Variants in DLG2 observed in about 807,000 individuals in gnomAD.
The protein encoded by DLG2 is disks large homolog 2.
In DLG2, 45 loss-of-function variants were observed where a neutral mutation model predicts 132.5. The observed-to-expected ratio is 0.34, with a 90% CI of 0.27 to 0.44. DLG2 has a LOEUF of 0.44. Among genes scored for constraint, DLG2 ranks in the 20% least tolerant of loss-of-function variants. DLG2 has a pLI of 1.00. For synonymous variants in DLG2, 424 were observed against 419.6 expected (o/e 1.01, Z -0.13); for missense variants, 1,045 against 1,196.9 (o/e 0.87, Z 1.87).
intron 5 of DLG2, among the ~76,000 whole-genome samples, chr11:85,151,942 T>C (rs1010285934): frequency 2.6e-5 from 4 of 152,150 alleles, no homozygotes; most frequent in African/African-American, 9.7e-5. Context: ...ACAAAGGGAT[T>C]CTCATTCTGC....
At chr11:85,192,365 G>A (rs887709672) in intron 4 of DLG2, among the ~76,000 whole-genome samples, 2 of 152,110 alleles carry the variant, frequency 1.3e-5, no homozygotes, top group African/African-American at 4.8e-5. Context: ...ATTCATCCAA[G>A]GAATTCTGAT....
chr11:83,930,018 T>G (rs978091103), intron 15 of DLG2, among the ~76,000 whole-genome samples: 1 of 152,206 alleles, frequency 6.6e-6, no homozygotes. Flanking sequence ...AGTGAAATGG[T>G]GTTAAGTTCC....
intron 6 of DLG2, among the ~76,000 whole-genome samples, chr11:84,988,534 C>T (rs892195413): frequency 2.0e-5 from 3 of 152,156 alleles, no homozygotes; most frequent in African/African-American, 7.2e-5. Flanking sequence ...TGGAATGCTA[C>T]TCAGCCATAA....
chr11:84,736,228 C>G (rs1011758972), intron 6 of DLG2, among the ~76,000 whole-genome samples: 1 of 151,828 alleles, frequency 6.6e-6, no homozygotes, highest in Non-Finnish European at 1.5e-5. Flanking sequence ...TTCTATTAAT[C>G]TGTTTTGCCA....
chr11:84,970,870 T>G (rs866686681), intron 6 of DLG2, among the ~76,000 whole-genome samples: 23 of 152,184 alleles, frequency 1.5e-4, no homozygotes, highest in Admixed American at 9.8e-4. Flanking sequence ...GGAAGCTTTA[T>G]TAGAGGATAG....
chr11:84,298,712 T>C (rs1846364263), intron 7 of DLG2, among the ~76,000 whole-genome samples: 1 of 152,132 alleles, frequency 6.6e-6, no homozygotes, highest in South Asian at 2.1e-4. Flanking sequence ...TAAGATAACA[T>C]TAGAAATGAT....
intron 19 of DLG2, among the ~76,000 whole-genome samples, chr11:83,619,776 T>G (rs2061359924): frequency 6.6e-6 from 1 of 152,038 alleles, no homozygotes; most frequent in Admixed American, 6.5e-5. Context: ...TCATTCAGCA[T>G]AGGCCTTTTA....
intron 3 of DLG2, among the ~76,000 whole-genome samples, chr11:85,312,754 G>T (rs755685112): frequency 4.6e-5 from 7 of 151,914 alleles, no homozygotes; most frequent in South Asian, 2.1e-4. Flanking sequence ...TCTTGTGAAA[G>T]ACTGTTTTCT....
chr11:85,018,666 T>C lies in DLG2; in HGVS notation c.357+92995A>G, dbSNP rs533297210. Among the ~76,000 whole-genome samples the C allele has an allele frequency of 9.6e-4, 146 of 152,206 alleles. 1 individual carries two copies. The highest frequency in any genetic ancestry group is 3.4e-3 in the African/African-American group (141 of 41,558). Reference sequence around the variant, plus strand: ...CTTAACTTTGGGAGGGACTTTAACATGAATATTCATGCTCTGATGGCCCAA... The same window carrying C: ...CTTAACTTTGGGAGGGACTTTAACACGAATATTCATGCTCTGATGGCCCAA... On this transcript the variant is annotated intron_variant, in intron 6 of 27. Transcript: ENST00000376104.
chr11:85,414,710 T>C (rs2089662197), intron 3 of DLG2, among the ~76,000 whole-genome samples: 2 of 152,066 alleles, frequency 1.3e-5, no homozygotes, highest in Admixed American at 1.3e-4. Context: ...AGTCCCCCAC[T>C]ATTACTGTGC....
chr11:84,502,358 CTTT>C (rs2099219824), intron 7 of DLG2, among the ~76,000 whole-genome samples: 6 of 66,052 alleles, frequency 9.1e-5, no homozygotes, highest in Admixed American at 1.7e-4. Context: ...TTCTTTCTTT[CTTT>C]CTTTCTTTCT....
intron 3 of DLG2, among the ~76,000 whole-genome samples, chr11:85,372,643 T>G (rs2085079878): frequency 6.6e-6 from 1 of 152,202 alleles, no homozygotes; most frequent in African/African-American, 2.4e-5. Context: ...ATAAATGAGG[T>G]CTAGGGAACT....
intron 21 of DLG2, among the ~76,000 whole-genome samples, chr11:83,530,929 T>G (rs2095726363): frequency 6.6e-6 from 1 of 151,842 alleles, no homozygotes; most frequent in Admixed American, 6.6e-5. Context: ...CAATGAACAA[T>G]CCAAAAATGA....
At chr11:83,949,461 T>G (rs1407710195) in intron 14 of DLG2, among the ~76,000 whole-genome samples, 1 of 146,188 alleles carries the variant, frequency 6.8e-6, no homozygotes, top group Non-Finnish European at 1.5e-5. Context: ...CAATTTAACA[T>G]ACGTTAAATG....
intron 3 of DLG2, among the ~76,000 whole-genome samples, chr11:85,518,904 G>A (rs2094221775): frequency 6.6e-6 from 1 of 152,204 alleles, no homozygotes; most frequent in African/African-American, 2.4e-5. Flanking sequence ...TGTTGCTTCA[G>A]AGGGTAGAAG....
At chr11:85,285,979 C>A in intron 3 of DLG2, 7 of 319,864 alleles carry the variant, frequency 2.2e-5, no homozygotes, top group East Asian at 1.0e-4. Flanking sequence ...AAAAAAAAAT[C>A]ATGTAGGAAG....
At chr11:85,269,057 C>T (rs559865479) in intron 4 of DLG2, among the ~76,000 whole-genome samples, 4 of 152,330 alleles carry the variant, frequency 2.6e-5, no homozygotes, top group South Asian at 2.1e-4. Flanking sequence ...AACCATATAG[C>T]TACTAGCTTG....
At chr11:83,688,138 A>G (rs2080164304) in intron 18 of DLG2, among the ~76,000 whole-genome samples, 1 of 152,234 alleles carries the variant, frequency 6.6e-6, no homozygotes, top group Non-Finnish European at 1.5e-5. Flanking sequence ...AATGGTCACA[A>G]TCTCAATTAA....
intron 19 of DLG2, among the ~76,000 whole-genome samples, chr11:83,581,322 C>T (rs1290506995): frequency 2.0e-5 from 3 of 152,090 alleles, no homozygotes; most frequent in African/African-American, 7.2e-5. Flanking sequence ...GAACTGCTGC[C>T]TTAAAAATAA....
Sources: gnomAD v4.1 joint callset for allele counts (sites outside exome capture counted in the v4.1 genomes callset) on GRCh38, gnomAD v4.1.1 for gene constraint, MANE v1.5 for transcripts, NCBI Gene and HGNC (gene_info 2026-07-23, HGNC 2026-07-21) for gene names.